MERTK: variants seen among roughly 807,000 people sequenced by gnomAD.
The protein encoded by MERTK is MER proto-oncogene, tyrosine kinase.
In MERTK, 69 loss-of-function variants were observed where a neutral mutation model predicts 99.3. The ratio of observed to expected loss-of-function variants is 0.70; its 90% CI spans 0.57 to 0.85. The LOEUF is 0.85. MERTK is among the 40% of genes least tolerant of loss of function. The pLI is 0.00. For missense variants in MERTK, 1,125 were observed against 1,249.4 expected (o/e 0.90, Z 1.50); for synonymous variants, 426 against 467.6 (o/e 0.91, Z 1.15).
chr2:112,012,133 A>G (rs912452761), intron 15 of MERTK, among the ~76,000 whole-genome samples: 5 of 152,188 alleles, frequency 3.3e-5, no homozygotes, highest in Non-Finnish European at 7.3e-5. Flanking sequence ...ATGTTGGCAG[A>G]TAGATCAGAG....
At chr2:111,995,539 T>G (rs1676717060) in intron 9 of MERTK, 1 of 188,374 alleles carries the variant, frequency 5.3e-6, no homozygotes, top group Non-Finnish European at 1.1e-5. Context: ...TGCTCTCCCT[T>G]TTGGTGCTGA....
chr2:111,937,858 G>A (rs1257012691), intron 2 of MERTK, among the ~76,000 whole-genome samples: 1 of 151,892 alleles, frequency 6.6e-6, no homozygotes, highest in African/African-American at 2.4e-5. Flanking sequence ...AAAACAGGGC[G>A]CTTACAGTGG....
intron 15 of MERTK, among the ~76,000 whole-genome samples, chr2:112,012,632 G>C (rs558088724): frequency 6.6e-6 from 1 of 152,282 alleles, no homozygotes; most frequent in South Asian, 2.1e-4. Context: ...GCCCCTAAGA[G>C]GGGCAGCAAC....
intron 1 of MERTK, 129 bp downstream of exon 1, chr2:111,898,925 C>A: frequency 2.0e-6 from 2 of 981,146 alleles, no homozygotes; most frequent in Non-Finnish European, 2.9e-6. Context: ...CACCCTCCAC[C>A]CACTGCGGTG....
intron 2 of MERTK, among the ~76,000 whole-genome samples, chr2:111,941,943 A>G (rs1230196763): frequency 6.6e-6 from 1 of 152,180 alleles, no homozygotes; most frequent in South Asian, 2.1e-4. Flanking sequence ...TCTGATTTCT[A>G]CAGTCCAGGG....
At chr2:111,917,701 A>G (rs1442717329) in intron 1 of MERTK, among the ~76,000 whole-genome samples, 1 of 152,116 alleles carries the variant, frequency 6.6e-6, no homozygotes, top group African/African-American at 2.4e-5. Flanking sequence ...CCTGGCCAAC[A>G]TGGTGAAACC....
chr2:111,951,554 A>G (rs1344877061), intron 4 of MERTK, among the ~76,000 whole-genome samples: 1 of 54,810 alleles, frequency 1.8e-5, no homozygotes, highest in East Asian at 3.0e-4. Flanking sequence ...TATATACCAT[A>G]ATTTTTTAAT....
intron 7 of MERTK, among the ~76,000 whole-genome samples, chr2:111,977,880 ATC>A (rs1187215513): frequency 6.6e-6 from 1 of 151,918 alleles, no homozygotes; most frequent in Non-Finnish European, 1.5e-5. Context: ...CGTAATTTTT[ATC>A]TCTTTTTTGC....
intron 2 of MERTK, among the ~76,000 whole-genome samples, chr2:111,944,530 A>ATTATTCC: frequency 6.6e-6 from 1 of 152,202 alleles, no homozygotes; most frequent in Non-Finnish European, 1.5e-5. Context: ...GTTTTAAGGA[A>ATTATTCC]TTAGCTCACA....
chr2:111,944,520 G>T (rs1254347065), intron 2 of MERTK, among the ~76,000 whole-genome samples: 11 of 152,304 alleles, frequency 7.2e-5, no homozygotes, highest in East Asian at 1.9e-4. Context: ...TAATTCCTCT[G>T]TTTTAAGGAA....
intron 18 of MERTK, chr2:112,026,197 G>C: frequency 6.5e-6 from 1 of 154,178 alleles, no homozygotes; most frequent in Non-Finnish European, 1.5e-5. Context: ...GAGTAGGTTA[G>C]ACAGTATACA....
Position 112,001,261 on chromosome 2 carries a change from C to G in MERTK, c.1665C>G (p.Phe555Leu). 6.2e-7 allele frequency: 1 copy of G among 1,613,876 alleles called. No homozygotes were observed. Among genetic ancestry groups the G allele is most frequent in the South Asian group, 1.1e-5 (1 of 91,072 alleles). ...TGAATTATATAGCAAAGAAATCCTT[C>G]TGTCGGCGAGCCATTGAACTTACCT... ...LVVNYIAKKS[F>L]CRRAIELTLH... is the part of the protein sequence containing the mutation. The change falls in exon 11 of 19, where the codon TTC becomes TTG. Residue 555 changes from phenylalanine to leucine, a missense_variant. Phe to Leu is a conservative substitution (Grantham distance 22). Coordinates refer to ENST00000295408, the MANE Select transcript of MERTK (RefSeq NM_006343.3).
intron 1 of MERTK, among the ~76,000 whole-genome samples, chr2:111,915,110 C>T (rs1684326865): frequency 6.6e-6 from 1 of 152,118 alleles, no homozygotes; most frequent in African/African-American, 2.4e-5. Context: ...ATGTGGGGTA[C>T]ATTGTGATAG....
At chr2:111,990,869 A>G (rs1026332453) in intron 8 of MERTK, among the ~76,000 whole-genome samples, 6 of 152,192 alleles carry the variant, frequency 3.9e-5, no homozygotes, top group Non-Finnish European at 8.8e-5. Context: ...CCAAAAGAAT[A>G]ATTTGTTTTT....
At chr2:111,975,503 C>T (rs991749351) in intron 7 of MERTK, 31 bp downstream of exon 7, 5 of 1,605,530 alleles carry the variant, frequency 3.1e-6, no homozygotes, top group Non-Finnish European at 3.4e-6. Context: ...TGTATATTGC[C>T]CCCAATGACA....
rs542555407 is a variant in MERTK at position 111,911,347 on chromosome 2, T to TA, written c.61+12552dup. Among the ~76,000 whole-genome samples, 17 of 152,284 alleles carry TA rather than the reference T, an allele frequency of 1.1e-4. No individual in the cohort carries two copies. The East Asian group carries it at 3.3e-3, about 29-fold the overall frequency. On this transcript the variant is annotated intron_variant, in intron 1 of 18. Coordinates refer to ENST00000295408, the MANE Select transcript of MERTK (RefSeq NM_006343.3). ...ATCTTCATAGACAAATATGTAAATATACCATAGTTTTATTTATCCAATCTC... is the reference window on the plus strand; with the variant it reads ...ATCTTCATAGACAAATATGTAAATATAACCATAGTTTTATTTATCCAATCTC...
intron 4 of MERTK, among the ~76,000 whole-genome samples, chr2:111,951,522 C>CATATATATATGTATAT (rs1342486760): frequency 2.3e-5 from 2 of 85,870 alleles, no homozygotes; most frequent in Admixed American, 1.3e-4. Flanking sequence ...ATAATATTCC[C>CATATATATATGTATAT]ATATATATAT....
intron 1 of MERTK, among the ~76,000 whole-genome samples, chr2:111,899,406 A>G (rs1345762246): frequency 6.6e-6 from 1 of 152,240 alleles, no homozygotes; most frequent in Non-Finnish European, 1.5e-5. Flanking sequence ...AGGGGCACCC[A>G]GAGAGTGTGG....
intron 4 of MERTK, among the ~76,000 whole-genome samples, chr2:111,959,456 T>C (rs1289279713): frequency 6.7e-6 from 1 of 149,420 alleles, no homozygotes; most frequent in Non-Finnish European, 1.5e-5. Flanking sequence ...ATCCTTCGTT[T>C]GTTTGTTTGT....
Sources: allele counts gnomAD v4.1 joint callset (sites outside exome capture counted in the v4.1 genomes callset), GRCh38; gene constraint gnomAD v4.1.1; transcripts MANE v1.5; gene names NCBI Gene and HGNC (gene_info 2026-07-23, HGNC 2026-07-21).